Variants in BAZ2A observed in about 807,000 individuals in gnomAD.
BAZ2A encodes bromodomain adjacent to zinc finger domain protein 2A.
BAZ2A carries 34 observed loss-of-function variants against 199.9 expected under a neutral mutation model. The ratio of observed to expected loss-of-function variants is 0.17; its 90% CI spans 0.13 to 0.23. The LOEUF (loss-of-function observed/expected upper bound fraction) is 0.23. Among genes scored for constraint, BAZ2A ranks in the 10% least tolerant of loss-of-function variants. The pLI, the probability that BAZ2A is intolerant of heterozygous loss-of-function variation, is 1.00. For missense variants in BAZ2A, 2,002 were observed against 2,391.1 expected, an observed-to-expected ratio of 0.84 and a Z score of 3.39; for synonymous variants, 857 against 883.9, an observed-to-expected ratio of 0.97 and a Z score of 0.54.
Position 56,605,188 on chromosome 12 carries a change from C to T in BAZ2A, c.2633G>A (p.Gly878Glu). 1 of 1,613,778 alleles carries T rather than the reference C, an allele frequency of 6.2e-7. No individual in the cohort carries two copies. The highest frequency in any genetic ancestry group is 2.2e-5 in the East Asian group (1 of 44,834). Residue 878 changes from glycine to glutamate, a missense_variant, in exon 14 of 29, where the codon GGG becomes GAG. Physicochemically the swap from Gly to Glu is moderately conservative, Grantham distance 98 (BLOSUM62 -2). Transcript: ENST00000549884. ...ACACAGGAGTCCCTCCTGCAGGACCCCCAGGCTAGGCACATCTTTGGCAGG... is the reference window on the plus strand; with the variant it reads ...ACACAGGAGTCCCTCCTGCAGGACCTCCAGGCTAGGCACATCTTTGGCAGG... ...FDPAKDVPSLGVLQEGLLCQG... is the reference protein window; with the variant it reads ...FDPAKDVPSLEVLQEGLLCQG...
intron 10 of BAZ2A, among the ~76,000 whole-genome samples, chr12:56,608,285 T>C (rs1565817928): frequency 6.7e-6 from 1 of 149,052 alleles, no homozygotes; most frequent in Admixed American, 6.7e-5. Context: ...GGCAGGAGAA[T>C]GGGGTGAATC....
chr12:56,606,432 G>T, intron 11 of BAZ2A, 120 bp from the exon 12 acceptor site: 2 of 1,273,312 alleles, frequency 1.6e-6, no homozygotes, highest in Non-Finnish European at 2.3e-6. Context: ...TGAGGGGTTG[G>T]CAATGGATTA....
intron 1 of BAZ2A, among the ~76,000 whole-genome samples, chr12:56,625,914 C>A (rs963378003): frequency 2.0e-5 from 3 of 148,894 alleles, no homozygotes; most frequent in Admixed American, 1.3e-4. Context: ...CAAAAAACTT[C>A]TTCCTTTCTT....
chr12:56,597,581 C>CACACACAG lies in BAZ2A; in HGVS notation c.*1036_*1037insCTGTGTGT, dbSNP rs1466468684. The CACACACAG allele has an allele frequency of 7.3e-6, 1 of 137,408 alleles. No homozygotes were observed. The highest frequency in any genetic ancestry group is 2.9e-5 in the African/African-American group (1 of 34,614). The allele number at this position is 137,408 out of a possible 1,614,324, so 8.5% of individuals were successfully genotyped here. On this transcript the variant is annotated 3_prime_UTR_variant, in exon 29 of 29. Transcript: ENST00000549884. ...AAGCACGCACACACACACACACACA[C>CACACACAG]AGCGCGCGCTCTGAGGCTGACACAC...
At chr12:56,632,939 A>C (rs932751363), upstream of BAZ2A, among the ~76,000 whole-genome samples, 2 of 152,086 alleles carry the variant, frequency 1.3e-5, no homozygotes, top group Non-Finnish European at 1.5e-5. Context: ...CCTCAATCCC[A>C]TCAGATGTGG....
chr12:56,604,700 G>A lies in BAZ2A; in HGVS notation c.2848C>T (p.Pro950Ser). ...GTGCGCAGGCGGTCACAGAGGGCTG[G>A]CTCTACTCCATATGCCATAAGGAAG... ...RCFLMAYGVEPALCDRLRTQP... is the reference protein window; with the variant it reads ...RCFLMAYGVESALCDRLRTQP... Residue 950 changes from proline to serine, a missense_variant, in exon 15 of 29, where the codon CCA becomes TCA. Transcript: ENST00000549884. 3 of 1,613,614 alleles carry A rather than the reference G, an allele frequency of 1.9e-6. No individual in the cohort carries two copies. Among genetic ancestry groups the A allele is most frequent in the Non-Finnish European group, 2.5e-6 (3 of 1,179,782 alleles).
At chr12:56,612,895 T>A in intron 5 of BAZ2A, 120 bp downstream of exon 5, 1 of 1,152,688 alleles carries the variant, frequency 8.7e-7, no homozygotes, top group Non-Finnish European at 1.2e-6. Context: ...GTGCTGAGAT[T>A]ACAGGCGTGA....
intron 2 of BAZ2A, among the ~76,000 whole-genome samples, chr12:56,616,285 A>AT (rs1412710212): frequency 4.0e-5 from 6 of 151,482 alleles, no homozygotes; most frequent in East Asian, 1.9e-4. Flanking sequence ...TCCCTAGGGG[A>AT]TTTCTTCCCT....
intron 10 of BAZ2A, among the ~76,000 whole-genome samples, chr12:56,608,678 T>A (rs1052046614): frequency 6.6e-5 from 10 of 151,822 alleles, no homozygotes; most frequent in African/African-American, 2.4e-4. Context: ...CAAGCCATTC[T>A]CCTGCCTCAG....
Position 56,612,233 on chromosome 12 carries a change from G to A in BAZ2A, c.1149C>T (p.Asp383=), listed in dbSNP as rs1277361443. 5.0e-6 allele frequency: 8 copies of A among 1,612,746 alleles called. No individual in the cohort carries two copies. The highest frequency in any genetic ancestry group is 1.7e-4 in the Middle Eastern group (1 of 6,052). The change falls in exon 6 of 29, where the codon GAC becomes GAT. Residue 383 remains aspartate (D), a synonymous_variant. Coordinates refer to ENST00000549884, the MANE Select transcript of BAZ2A (RefSeq NM_001300905.2). ...GTTCAGCGTCACTACCATTATTCAG[G>A]TCAAAGCTGTTATCTAGAATCCAAA... The part of the protein sequence containing the change: ...GESVLQDNSF[D]LNNGSDAEQE...
Position 56,598,911 on chromosome 12 carries a change from G to C in BAZ2A, c.5503C>G (p.Pro1835Ala). The C allele has an allele frequency of 6.2e-7, 1 of 1,605,688 alleles. No individual in the cohort carries two copies. Among genetic ancestry groups the C allele is most frequent in the Non-Finnish European group, 8.5e-7 (1 of 1,176,210 alleles). Residue 1835 changes from proline (P) to alanine (A), a missense_variant, in exon 28 of 29, where the codon CCT becomes GCT. Coordinates refer to ENST00000549884, the MANE Select transcript of BAZ2A (RefSeq NM_001300905.2). ...TCCCGCATGGTGGAAAAATCCATAG[G>C]ATTTTTGATGATGCGCCGGTACCCA... ...VSGYRRIIKNPMDFSTMRERL... is the reference protein window; with the variant it reads ...VSGYRRIIKNAMDFSTMRERL...
intron 1 of BAZ2A, among the ~76,000 whole-genome samples, chr12:56,625,154 C>CTTT (rs1002458672): frequency 3.5e-4 from 38 of 108,100 alleles, no homozygotes; most frequent in Non-Finnish European, 5.7e-4. Context: ...CTTAGAATTT[C>CTTT]TTTTTTTTTT....
intron 1 of BAZ2A, among the ~76,000 whole-genome samples, chr12:56,617,779 G>A (rs542058284): frequency 2.0e-5 from 3 of 152,136 alleles, no homozygotes; most frequent in East Asian, 1.9e-4. Flanking sequence ...GCAAGTTAGC[G>A]AGAAAAACCA....
At position 56,597,637 on chromosome 12, in the gene BAZ2A, GACACACAC is replaced by G. The variant is rs35960815; in HGVS notation, c.*973_*980del. ...CACACACACAGCGCGCTCTGAGGCC[GACACACAC>G]ACACACACACACACACACACACACA... On this transcript the variant is annotated 3_prime_UTR_variant, in exon 29 of 29. Coordinates refer to ENST00000549884, the MANE Select transcript of BAZ2A (RefSeq NM_001300905.2). 157 of 127,244 alleles carry G rather than the reference GACACACAC, an allele frequency of 1.2e-3. 1 individual carries two copies. Among genetic ancestry groups the G allele is most frequent in the Middle Eastern group, 3.8e-3 (1 of 264 alleles). 7.9% of individuals were successfully genotyped at this position (127,244 alleles called of 1,614,324 possible).
At position 56,614,083 on chromosome 12, in the gene BAZ2A, T is replaced by C. The variant is rs761495933; in HGVS notation, c.786A>G (p.Gln262=). ...GGTCAGGGACCAGGACTGAGACCTC[T>C]TGGTGTAACGATTCCACAGAAGGGA... ...GSVPSVESLH[Q]EVSVLVPDPT... The change falls in exon 4 of 29, where the codon CAA becomes CAG. Residue 262 remains glutamine (Q), a synonymous_variant. Coordinates refer to ENST00000549884, the MANE Select transcript of BAZ2A (RefSeq NM_001300905.2). The C allele has an allele frequency of 5.0e-6, 8 of 1,614,032 alleles. No homozygotes were observed. Among genetic ancestry groups the C allele is most frequent in the Non-Finnish European group, 5.9e-6 (7 of 1,179,882 alleles).
At chr12:56,636,423 G>T, upstream of BAZ2A, 4 of 1,346,616 alleles carry the variant, frequency 3.0e-6, no homozygotes, top group South Asian at 5.0e-5. Context: ...TCTCTGGGTG[G>T]AGAGAGGGAG....
intron 10 of BAZ2A, 85 bp downstream of exon 10, chr12:56,609,650 TG>T: frequency 7.3e-7 from 1 of 1,376,390 alleles, no homozygotes; most frequent in Non-Finnish European, 1.0e-6. Context: ...GTTACACTCC[TG>T]GGAAATCCAG....
Position 56,598,250 on chromosome 12 carries a change from C to A in BAZ2A, c.*368G>T. 1 of 238,400 alleles carries A rather than the reference C, an allele frequency of 4.2e-6. No homozygotes were observed. Among genetic ancestry groups the A allele is most frequent in the Non-Finnish European group, 8.4e-6 (1 of 119,508 alleles). 14.8% of individuals were successfully genotyped at this position (238,400 alleles called of 1,614,324 possible). A position where few individuals can be genotyped will look rare whatever the true frequency, so the allele number is the denominator to read the frequency against. On this transcript the variant is annotated 3_prime_UTR_variant, in exon 29 of 29. Transcript: ENST00000549884. ...AGAACTATTGCTATTGTTAAATAACCCCAGAATGCTGGGGCACGTACAGGG... is the reference window on the plus strand; with the variant it reads ...AGAACTATTGCTATTGTTAAATAACACCAGAATGCTGGGGCACGTACAGGG...
upstream of BAZ2A, chr12:56,635,020 C>T: frequency 1.0e-6 from 1 of 984,318 alleles, no homozygotes; most frequent in Non-Finnish European, 1.2e-6. The surrounding 1 kb of genome is among the most constrained non-coding windows in gnomAD (Gnocchi z 4.1). Flanking sequence ...GCGGCTGCGC[C>T]TCCTCCCCCA....
Sources: allele counts gnomAD v4.1 joint callset (sites outside exome capture counted in the v4.1 genomes callset), GRCh38; gene constraint gnomAD v4.1.1; non-coding constraint Gnocchi (gnomAD v3.1); transcripts MANE v1.5; gene names NCBI Gene and HGNC (gene_info 2026-07-23, HGNC 2026-07-21).